TSHZ2: variants seen among roughly 807,000 people sequenced by gnomAD.
TSHZ2 encodes teashirt zinc finger homeobox 2, also known as teashirt homolog 2.
Under a neutral mutation model 74.4 loss-of-function variants are expected in TSHZ2, and 21 were observed. The ratio of observed to expected loss-of-function variants is 0.28; its 90% CI spans 0.20 to 0.41. The LOEUF (loss-of-function observed/expected upper bound fraction) is 0.41, where lower values mean the gene tolerates loss of function less well. Among genes scored for constraint, TSHZ2 ranks in the 10% least tolerant of loss-of-function variants. TSHZ2 has a pLI of 1.00. For synonymous variants in TSHZ2, 540 were observed against 515.3 expected (o/e 1.05, Z -0.65); for missense variants, 1,244 against 1,293.5 (o/e 0.96, Z 0.59).
intron 2 of TSHZ2, among the ~76,000 whole-genome samples, chr20:53,330,540 G>T (rs953726533): frequency 3.9e-5 from 6 of 152,290 alleles, no homozygotes; most frequent in Non-Finnish European, 8.8e-5. Context: ...AAGAAAACCA[G>T]AACTATTTCC....
Position 53,393,733 on chromosome 20 carries a change from G to GTTACCTAGACTACAA in TSHZ2, c.*9-93410_*9-93409insTACCTAGACTACAAT, listed in dbSNP as rs1982345047. Among the ~76,000 whole-genome samples, 3 of 151,858 alleles carry GTTACCTAGACTACAA rather than the reference G, an allele frequency of 2.0e-5. No homozygotes were observed. The South Asian group carries it at 6.2e-4, about 32-fold the overall frequency. On this transcript the variant is annotated intron_variant, in intron 2 of 2. Transcript: ENST00000371497. The stretch of plus-strand genomic sequence containing the variant: ...GGTCTGTAGTCTAGTTAACAGTATT[G>GTTACCTAGACTACAA]TACCAATGTCGGTATCCCGGCTTTG...
chr20:53,339,786 C>T (rs1195171132), intron 2 of TSHZ2, among the ~76,000 whole-genome samples: 2 of 152,200 alleles, frequency 1.3e-5, no homozygotes, highest in Non-Finnish European at 2.9e-5. Context: ...ACTCGCTGCT[C>T]TCCTGGGCAC....
At chr20:52,999,160 C>T (rs1982317627) in intron 1 of TSHZ2, among the ~76,000 whole-genome samples, 1 of 152,130 alleles carries the variant, frequency 6.6e-6, no homozygotes, top group Non-Finnish European at 1.5e-5. Flanking sequence ...AGGCCTCATG[C>T]TCTCCCTTGG....
chr20:53,067,433 T>C (rs1235800195), intron 1 of TSHZ2, among the ~76,000 whole-genome samples: 1 of 152,238 alleles, frequency 6.6e-6, no homozygotes, highest in Non-Finnish European at 1.5e-5. Flanking sequence ...TACATCTTTG[T>C]ATGGAATAGA....
At chr20:53,426,334 C>G (rs1305396199) in intron 2 of TSHZ2, among the ~76,000 whole-genome samples, 2 of 152,158 alleles carry the variant, frequency 1.3e-5, no homozygotes, top group Non-Finnish European at 2.9e-5. Context: ...TGTCCTCTCT[C>G]CCTAAGCAGT....
intron 2 of TSHZ2, among the ~76,000 whole-genome samples, chr20:53,449,414 T>TAA (rs2145777901): frequency 6.6e-6 from 1 of 152,350 alleles, no homozygotes; most frequent in African/African-American, 2.4e-5. Context: ...ATTCAACAAA[T>TAA]ATTTATGAGG....
chr20:53,377,805 G>A (rs1049394618), intron 2 of TSHZ2, among the ~76,000 whole-genome samples: 6 of 152,136 alleles, frequency 3.9e-5, no homozygotes, highest in Admixed American at 1.3e-4. Flanking sequence ...CGAGGCTGCC[G>A]TGAGCCATGA....
chr20:52,980,323 C>G (rs1981516113), intron 1 of TSHZ2, among the ~76,000 whole-genome samples: 4 of 151,904 alleles, frequency 2.6e-5, no homozygotes, highest in Admixed American at 2.0e-4. Flanking sequence ...TCTTTTGCAT[C>G]TCTCTCCAAA....
chr20:53,062,726 C>A (rs1410467572), intron 1 of TSHZ2, among the ~76,000 whole-genome samples: 1 of 152,212 alleles, frequency 6.6e-6, no homozygotes, highest in African/African-American at 2.4e-5. Context: ...ACTTTCCTAT[C>A]ATTTGTGTGT....
intron 1 of TSHZ2, among the ~76,000 whole-genome samples, chr20:53,152,223 G>A (rs1346244442): frequency 6.6e-6 from 1 of 152,034 alleles, no homozygotes; most frequent in Non-Finnish European, 1.5e-5. Flanking sequence ...AAGTAAAAAA[G>A]CATTAAGGAG....
Position 53,309,622 on chromosome 20 carries a change from C to T in TSHZ2, c.*8+53051C>T, listed in dbSNP as rs959050666. ...GTGTATTTCCAGTATATGTCATGTACATCTCCCAAATTAGCATGCTACCAA... is the reference window on the plus strand; with the variant it reads ...GTGTATTTCCAGTATATGTCATGTATATCTCCCAAATTAGCATGCTACCAA... On this transcript the variant is annotated intron_variant, in intron 2 of 2. Coordinates refer to ENST00000371497, the MANE Select transcript of TSHZ2 (RefSeq NM_173485.6). Among the ~76,000 whole-genome samples, 4 of 152,260 alleles carry T rather than the reference C, an allele frequency of 2.6e-5. No homozygotes were observed. The East Asian group carries it at 7.7e-4, about 29-fold the overall frequency.
intron 2 of TSHZ2, among the ~76,000 whole-genome samples, chr20:53,409,361 C>G (rs1239678396): frequency 6.6e-6 from 1 of 152,070 alleles, no homozygotes; most frequent in Non-Finnish European, 1.5e-5. Flanking sequence ...CTACTTAAGA[C>G]ATCAACTTTC....
At chr20:53,426,819 C>T (rs1983673247) in intron 2 of TSHZ2, among the ~76,000 whole-genome samples, 1 of 152,290 alleles carries the variant, frequency 6.6e-6, no homozygotes, top group South Asian at 2.1e-4. Flanking sequence ...TTTTTCTCTT[C>T]TCTTTGTGGC....
intron 2 of TSHZ2, among the ~76,000 whole-genome samples, chr20:53,345,431 C>A (rs1188842006): frequency 6.6e-6 from 1 of 152,008 alleles, no homozygotes; most frequent in Non-Finnish European, 1.5e-5. Flanking sequence ...GGTCCCCCGT[C>A]CCCCAGTGTA....
chr20:53,073,374 C>A (rs571034202), intron 1 of TSHZ2, among the ~76,000 whole-genome samples: 6 of 149,016 alleles, frequency 4.0e-5, no homozygotes, highest in Non-Finnish European at 7.4e-5. Context: ...CCCTCCCTCC[C>A]TCCATCCATT....
At chr20:53,439,589 A>G (rs1382379456) in intron 2 of TSHZ2, among the ~76,000 whole-genome samples, 2 of 152,230 alleles carry the variant, frequency 1.3e-5, no homozygotes, top group Non-Finnish European at 2.9e-5. Context: ...TACATGCTAT[A>G]GTATAGATTC....
At chr20:53,195,005 CTG>C (rs1410710229) in intron 1 of TSHZ2, among the ~76,000 whole-genome samples, 2 of 152,186 alleles carry the variant, frequency 1.3e-5, no homozygotes, top group Non-Finnish European at 2.9e-5. Flanking sequence ...CTCTATCACT[CTG>C]TGACTCTCTG....
At chr20:53,137,711 G>A (rs1191922332) in intron 1 of TSHZ2, among the ~76,000 whole-genome samples, 5 of 152,110 alleles carry the variant, frequency 3.3e-5, no homozygotes, top group African/African-American at 4.8e-5. Context: ...CTCTGTGCAC[G>A]TAGCCCCTTT....
At position 53,491,484 on chromosome 20, in the gene TSHZ2, T is replaced by C. The variant is rs1986445521; in HGVS notation, c.*4349T>C. On this transcript the variant is annotated 3_prime_UTR_variant, in exon 3 of 3. Transcript: ENST00000371497. ...CATTTTGAAACTTGTGAATCATCTT[T>C]AGAATTTCTACTGGGGAATTTTACT... 6.6e-6 allele frequency: 1 copy of C among 152,234 alleles called. No homozygotes were observed. Among genetic ancestry groups the C allele is most frequent in the Non-Finnish European group, 1.5e-5 (1 of 68,038 alleles). 9.4% of individuals were successfully genotyped at this position (152,234 alleles called of 1,614,324 possible).
Sources: gnomAD v4.1 joint callset for allele counts (sites outside exome capture counted in the v4.1 genomes callset) on GRCh38, gnomAD v4.1.1 for gene constraint, MANE v1.5 for transcripts, NCBI Gene and HGNC (gene_info 2026-07-23, HGNC 2026-07-21) for gene names.